Variants in NSUN5 observed in about 807,000 individuals in gnomAD.
NSUN5 encodes 28S rRNA (cytosine-C(5))-methyltransferase.
In NSUN5, 39 loss-of-function variants were observed where a neutral mutation model predicts 51.1. The observed-to-expected ratio is 0.76, with a 90% confidence interval of 0.59 to 1.00. The LOEUF (loss-of-function observed/expected upper bound fraction) is 1.00, where lower values mean the gene tolerates loss of function less well. Ranked by LOEUF, NSUN5 falls within the 50% of genes least tolerant of loss-of-function variation. The probability of loss-of-function intolerance (pLI) is 0.00; values close to 1 mark genes in which losing one functional copy is unlikely to be tolerated. For missense variants in NSUN5, 526 were observed against 614.0 expected, an observed-to-expected ratio of 0.86 and a Z score of 1.51; for synonymous variants, 266 against 271.5, an observed-to-expected ratio of 0.98 and a Z score of 0.20.
intron 7 of NSUN5, 44 bp from the exon 8 acceptor site, chr7:73,304,080 T>TCA: frequency 1.9e-6 from 3 of 1,602,226 alleles, no homozygotes; most frequent in Non-Finnish European, 2.6e-6. Context: ...ACAGGCTACC[T>TCA]CAGTCCTGAA....
Position 73,307,426 on chromosome 7 carries a change from T to A in NSUN5, c.468A>T (p.Arg156Ser), listed in dbSNP as rs782589368. 3.7e-6 allele frequency: 6 copies of A among 1,614,090 alleles called. No individual in the cohort carries two copies. In the Admixed American group the frequency reaches 1.0e-4, roughly 27 times the overall value. Residue 156 changes from arginine (R) to serine (S), a missense_variant, in exon 4 of 10, where the codon AGA becomes AGT. Physicochemically the swap from Arg to Ser is moderately radical, Grantham distance 110. Coordinates refer to ENST00000438747, the MANE Select transcript of NSUN5 (RefSeq NM_148956.4). ...CCCGACCCTGATAGGAGAAACCTTG[T>A]CTCTTGAAATAATCAACTACATCAT... ...CSDDVVDYFK[R>S]QGFSYQGRAS...
chr7:73,308,607 G>T, intron 1 of NSUN5, 54 bp from the exon 2 acceptor site: 1 of 1,585,878 alleles, frequency 6.3e-7, no homozygotes, highest in Non-Finnish European at 8.6e-7. Flanking sequence ...CCTCCTCGCC[G>T]GGCCCCACCT....
Position 73,304,358 on chromosome 7 carries a change from G to C in NSUN5, c.806C>G (p.Thr269Arg). Reference protein sequence around the residue: ...LDAKRLASMATLLARAGVSCC... With the variant: ...LDAKRLASMARLLARAGVSCC... Reference sequence around the variant, plus strand: ...AGAGACGCCAGCCCGGGCCAGCAGCGTGGCCATGGATGCCAGCCGCTTGGC... The same window carrying C: ...AGAGACGCCAGCCCGGGCCAGCAGCCTGGCCATGGATGCCAGCCGCTTGGC... Residue 269 changes from threonine to arginine, a missense_variant, in exon 7 of 10, where the codon ACG (threonine) becomes AGG (arginine). By Grantham distance (71) the Thr-to-Arg change is moderately conservative. Transcript: ENST00000438747. The C allele has an allele frequency of 4.3e-6, 7 of 1,613,952 alleles. No homozygotes were observed. Among genetic ancestry groups the C allele is most frequent in the Non-Finnish European group, 5.9e-6 (7 of 1,179,942 alleles).
intron 4 of NSUN5, among the ~76,000 whole-genome samples, chr7:73,306,805 C>T (rs528775305): frequency 2.7e-3 from 414 of 151,532 alleles, no homozygotes; most frequent in African/African-American, 8.9e-3. Context: ...CGCTTGAACC[C>T]GGGAGGCAGT....
rs1470753154 is a variant in NSUN5, at chr7:73,308,453, T to C, written c.194A>G (p.Lys65Arg). The C allele has an allele frequency of 5.6e-6, 9 of 1,604,220 alleles. No homozygotes were observed. Among genetic ancestry groups the C allele is most frequent in the Non-Finnish European group, 7.7e-6 (9 of 1,174,012 alleles). ...CACCTTGGCCAGGTGCGGCCGCAGC[T>C]TCTTCTCCGCACGGAGGAGGCCGGC... ...ASAGLLRAEK[K>R]LRPHLAKVLV... is the part of the protein sequence containing the mutation. The change falls in exon 2 of 10, where the codon AAG becomes AGG. Residue 65 changes from lysine to arginine, a missense_variant. Transcript: ENST00000438747.
intron 4 of NSUN5, 137 bp from the exon 5 acceptor site, chr7:73,305,234 C>A: frequency 8.1e-7 from 1 of 1,230,300 alleles, no homozygotes; most frequent in Non-Finnish European, 1.1e-6. Context: ...GGGCGGAATC[C>A]GCAGTTGAGG....
rs567701748 is a variant in NSUN5 at position 73,308,394 on chromosome 7, G to A, written c.216+37C>T. 15 of 1,560,132 alleles carry A rather than the reference G, an allele frequency of 9.6e-6. No homozygotes were observed. In the Admixed American group the frequency reaches 2.0e-4, roughly 20 times the overall value. ...GAGACCAGATGACAAAGCGCTGACC[G>A]TCGGGGTTCACTTCCCCGTCCCTCC... On this transcript the variant is annotated intron_variant, in intron 2 of 9. Transcript: ENST00000438747.
rs1554542446 is a variant in NSUN5, at chr7:73,308,796, C to A, written c.-6G>T. 2 of 1,612,522 alleles carry A rather than the reference C, an allele frequency of 1.2e-6. No individual in the cohort carries two copies. Among genetic ancestry groups the A allele is most frequent in the East Asian group, 4.5e-5 (2 of 44,836 alleles). On this transcript the variant is annotated 5_prime_UTR_variant, in exon 1 of 10. Transcript: ENST00000438747. Reference sequence around the variant, plus strand: ...GCTGCAGCATACAGCCCCATGTTCCCGCGCGCCTTTACGGCTCTGTGGCAA... The same window carrying A: ...GCTGCAGCATACAGCCCCATGTTCCAGCGCGCCTTTACGGCTCTGTGGCAA...
chr7:73,308,607 G>A (rs1198410112), intron 1 of NSUN5, 54 bp from the exon 2 acceptor site: 27 of 1,585,762 alleles, frequency 1.7e-5, no homozygotes, highest in Middle Eastern at 4.6e-4. Context: ...CCTCCTCGCC[G>A]GGCCCCACCT....
rs199951536 is a variant in NSUN5, at chr7:73,304,921, G to A, written c.639+38C>T. The A allele has an allele frequency of 3.8e-4, 609 of 1,612,336 alleles. 1 individual carries two copies. Among genetic ancestry groups the A allele is most frequent in the Middle Eastern group, 6.7e-4 (4 of 6,012 alleles). On this transcript the variant is annotated intron_variant, in intron 5 of 9. Transcript: ENST00000438747. ...AGACCCCAGGCTAGGCCCTTCCCGT[G>A]CCTACACATTCTTCCCTTTTCTATT...
At position 73,308,506 on chromosome 7, in the gene NSUN5, G is replaced by A; in HGVS notation, c.141C>T (p.Ser47=). The change falls in exon 2 of 10, where the codon TCC becomes TCT. Residue 47 remains serine, a synonymous_variant. Transcript: ENST00000438747. ...YALVCETQRY[S]AVLDAVIASA... ...TGGCGATCACAGCATCCAGCACGGC[G>A]GAGTAGCGCTGCGTTTCGCACACCA... 3.7e-6 allele frequency: 6 copies of A among 1,605,744 alleles called. No homozygotes were observed. Among genetic ancestry groups the A allele is most frequent in the Non-Finnish European group, 5.1e-6 (6 of 1,174,642 alleles).
Position 73,308,424 on chromosome 7 carries a change from CCCTCA to C in NSUN5, c.216+2_216+6del. ...GGTTCACTTCCCCGTCCCTCCCCTC[CCCTCA>C]CCTTGGCCAGGTGCGGCCGCAGCTT... is the stretch of plus-strand genomic sequence containing the variant. On this transcript the variant is annotated splice_donor_variant and splice_donor_5th_base_variant and intron_variant, in intron 2 of 9. Transcript: ENST00000438747. LOFTEE classifies it high-confidence loss of function. 6.3e-7 allele frequency: 1 copy of C among 1,595,460 alleles called. No individual in the cohort carries two copies. The highest frequency in any genetic ancestry group is 2.2e-5 in the East Asian group (1 of 44,550).
At chr7:73,307,870 G>A in intron 2 of NSUN5, 113 bp from the exon 3 acceptor site, 1 of 949,190 alleles carries the variant, frequency 1.1e-6, no homozygotes, top group South Asian at 1.7e-5. Flanking sequence ...CAGATCACCT[G>A]ACAAGATACA....
At position 73,307,588 on chromosome 7, in the gene NSUN5, C is replaced by A. The variant is rs144761328; in HGVS notation, c.386G>T (p.Gly129Val). 1,001 of 1,368,650 alleles carry A rather than the reference C, an allele frequency of 7.3e-4. No individual in the cohort carries two copies. The highest frequency in any genetic ancestry group is 9.4e-4 in the Non-Finnish European group (964 of 1,022,066). The allele number at this position is 1,368,650 out of a possible 1,614,324, so 84.8% of individuals were successfully genotyped here. Residue 129 changes from glycine (G) to valine (V), a missense_variant, in exon 3 of 10, where the codon GGT becomes GTT. By Grantham distance (109) the Gly-to-Val change is moderately radical. Transcript: ENST00000438747. ...EDLLEVGSRP[G>V]PASQLPRFVR... is the part of the protein sequence containing the mutation. ...CCCAACTCCTTCCAGCTTACCTGGA[C>A]CAGGCCTGGATCCCACTTCCAACAG... is the stretch of plus-strand genomic sequence containing the variant.
chr7:73,303,833 C>T lies in NSUN5; in HGVS notation c.1138G>A (p.Ala380Thr), dbSNP rs781806696. Residue 380 changes from alanine to threonine, a missense_variant, in exon 8 of 10, where the codon GCC becomes ACC. By Grantham distance (58) the Ala-to-Thr change is moderately conservative. Transcript: ENST00000438747. ...CTGGCGCCCGCCCTGTACCTGAAGGCGCCCGGGTTCTGCTGCAGCGCATCT... is the reference window on the plus strand; with the variant it reads ...CTGGCGCCCGCCCTGTACCTGAAGGTGCCCGGGTTCTGCTGCAGCGCATCT... ...VRDALQQNPG[A>T]FRLAPALPAW... 3.5e-5 allele frequency: 56 copies of T among 1,613,666 alleles called. No individual in the cohort carries two copies. The Middle Eastern group carries it at 6.7e-4, about 19-fold the overall frequency.
In NSUN5 at chr7:73,303,029, G is replaced by C; in HGVS notation, c.*386C>G. On this transcript the variant is annotated 3_prime_UTR_variant, in exon 10 of 10. Transcript: ENST00000438747. Reference sequence around the variant, plus strand: ...TGAGCTAGTTTACCTCAGTTCCGCAGGCAGGACAGCCGGTCCGGGAACCCT... The same window carrying C: ...TGAGCTAGTTTACCTCAGTTCCGCACGCAGGACAGCCGGTCCGGGAACCCT... 1 of 1,297,760 alleles carries C rather than the reference G, an allele frequency of 7.7e-7. No homozygotes were observed. Among genetic ancestry groups the C allele is most frequent in the Non-Finnish European group, 9.8e-7 (1 of 1,016,994 alleles). 80.4% of individuals were successfully genotyped at this position (1,297,760 alleles called of 1,614,324 possible).
In NSUN5 at chr7:73,308,817, G is replaced by GGCAAACGCAC. The variant is rs782701520; in HGVS notation, c.-28_-27insGTGCGTTTGC. 1 of 1,604,416 alleles carries GGCAAACGCAC rather than the reference G, an allele frequency of 6.2e-7. No individual in the cohort carries two copies. The highest frequency in any genetic ancestry group is 8.5e-7 in the Non-Finnish European group (1 of 1,172,842). ...TTCCCGCGCGCCTTTACGGCTCTGT[G>GGCAAACGCAC]GCAAAACGCACCCGGCTCGGCGCCC... On this transcript the variant is annotated 5_prime_UTR_variant, in exon 1 of 10. Coordinates refer to ENST00000438747, the MANE Select transcript of NSUN5 (RefSeq NM_148956.4).
intron 4 of NSUN5, among the ~76,000 whole-genome samples, 175 bp downstream of exon 4, chr7:73,307,219 C>A (rs1297103930): frequency 2.0e-5 from 3 of 152,070 alleles, no homozygotes; most frequent in Non-Finnish European, 4.4e-5. Flanking sequence ...TAGGATGAGG[C>A]TCCTAGGAGT....
rs201636338 is a variant in NSUN5, at chr7:73,303,971, G to C, written c.1000C>G (p.Leu334Val). 6.2e-7 allele frequency: 1 copy of C among 1,614,168 alleles called. No individual in the cohort carries two copies. Among genetic ancestry groups the C allele is most frequent in the Non-Finnish European group, 8.5e-7 (1 of 1,180,022 alleles). Residue 334 changes from leucine to valine, a missense_variant, in exon 8 of 10, where the codon CTG becomes GTG. Coordinates refer to ENST00000438747, the MANE Select transcript of NSUN5 (RefSeq NM_148956.4). ...GTPSPVRLHA[L>V]AGFQQRALCH... ...AGGGCTCGCTGCTGGAACCCTGCCA[G>C]GGCATGCAGACGCACCGGGCTAGGT...
Sources: allele counts gnomAD v4.1 joint callset (sites outside exome capture counted in the v4.1 genomes callset), GRCh38; gene constraint gnomAD v4.1.1; transcripts MANE v1.5; gene names NCBI Gene and HGNC (gene_info 2026-07-23, HGNC 2026-07-21).